The following SNX25 variants were observed in gnomAD, a reference collection of about 807,000 sequenced individuals.
The protein encoded by SNX25 is sorting nexin-25.
In SNX25, 62 loss-of-function variants were observed where a neutral mutation model predicts 113.7. The observed-to-expected ratio is 0.55, with a 90% CI of 0.44 to 0.67. The LOEUF (loss-of-function observed/expected upper bound fraction) is 0.67. Ranked by LOEUF, SNX25 falls within the 30% of genes least tolerant of loss-of-function variation. The pLI, the probability that SNX25 is intolerant of heterozygous loss-of-function variation, is 0.00. For synonymous variants in SNX25, 421 were observed against 436.2 expected, an observed-to-expected ratio of 0.97 and a Z score of 0.43; for missense variants, 1,014 against 1,161.0, an observed-to-expected ratio of 0.87 and a Z score of 1.84.
intron 5 of SNX25, among the ~76,000 whole-genome samples, chr4:185,279,791 T>C (rs199555450): frequency 3.9e-5 from 6 of 152,326 alleles, no homozygotes; most frequent in East Asian, 3.9e-4. Context: ...GGCATTCTTT[T>C]TGATGTACTT....
Position 185,351,537 on chromosome 4 carries a change from G to T in SNX25, c.2394G>T (p.Gln798His). The T allele has an allele frequency of 6.2e-7, 1 of 1,614,034 alleles. No homozygotes were observed. The highest frequency in any genetic ancestry group is 8.5e-7 in the Non-Finnish European group (1 of 1,179,990). The change falls in exon 14 of 19, where the codon CAG becomes CAT. Residue 798 changes from glutamine (Q) to histidine (H), a missense_variant. Gln to His is a conservative substitution (Grantham distance 24, BLOSUM62 0). Transcript: ENST00000652585. Reference sequence around the variant, plus strand: ...ACTACCTCAAGGTTATCGACGTGCAGGGGAAAAAAAATTCTTTTTCATTAT... The same window carrying T: ...ACTACCTCAAGGTTATCGACGTGCATGGGAAAAAAAATTCTTTTTCATTAT... The part of the protein sequence containing the change: ...SPDYLKVIDV[Q>H]GKKNSFSLSS...
chr4:185,351,360 C>A, intron 13 of SNX25, 85 bp from the exon 14 acceptor site: 1 of 1,418,710 alleles, frequency 7.0e-7, no homozygotes, highest in Non-Finnish European at 9.6e-7. Flanking sequence ...TTCGTGACAG[C>A]TCTGCCTCGC....
chr4:185,350,110 T>C (rs1456635930), intron 13 of SNX25, among the ~76,000 whole-genome samples: 1 of 152,200 alleles, frequency 6.6e-6, no homozygotes, highest in African/African-American at 2.4e-5. Context: ...CAGGCCAGTC[T>C]CCTGCAGGGT....
At chr4:185,330,825 C>T (rs1183183097) in intron 9 of SNX25, among the ~76,000 whole-genome samples, 2 of 151,978 alleles carry the variant, frequency 1.3e-5, no homozygotes, top group Non-Finnish European at 2.9e-5. Context: ...TGGTTCTTTA[C>T]ATATAAAATC....
chr4:185,365,558 G>A (rs527710136), downstream of SNX25: 4 of 151,764 alleles, frequency 2.6e-5, no homozygotes, highest in East Asian at 1.9e-4. Context: ...GTTTCACCAC[G>A]TTGGCCAGCC....
At chr4:185,351,052 T>G (rs923307085) in intron 13 of SNX25, among the ~76,000 whole-genome samples, 1 of 145,992 alleles carries the variant, frequency 6.8e-6, no homozygotes, top group African/African-American at 2.8e-5. Flanking sequence ...GGTATCCATG[T>G]GTAATTTGCA....
intron 1 of SNX25, among the ~76,000 whole-genome samples, chr4:185,211,819 G>T (rs892764318): frequency 2.0e-5 from 3 of 152,148 alleles, no homozygotes; most frequent in East Asian, 3.8e-4. Flanking sequence ...TCCTGGTATT[G>T]CAGACCATCT....
chr4:185,212,491 G>GTGT (rs546083196), intron 1 of SNX25, among the ~76,000 whole-genome samples: 4 of 104,944 alleles, frequency 3.8e-5, no homozygotes, highest in Non-Finnish European at 7.5e-5. Flanking sequence ...GTGTGTGTGT[G>GTGT]TTTTTTTTTT....
At chr4:185,307,499 C>T (rs1425521644) in intron 6 of SNX25, among the ~76,000 whole-genome samples, 2 of 152,168 alleles carry the variant, frequency 1.3e-5, no homozygotes, top group East Asian at 3.9e-4. Flanking sequence ...AGAGATTCCA[C>T]ACTTGCCCCT....
chr4:185,356,146 C>CGTGT (rs201205930), intron 15 of SNX25, among the ~76,000 whole-genome samples: 11 of 150,318 alleles, frequency 7.3e-5, no homozygotes, highest in African/African-American at 1.5e-4. Flanking sequence ...ATGGGGCTCG[C>CGTGT]GTGTGTGTGT....
upstream of SNX25, among the ~76,000 whole-genome samples, chr4:185,208,114 T>G (rs1218141224): frequency 2.6e-5 from 4 of 152,224 alleles, no homozygotes; most frequent in Admixed American, 6.5e-5. Context: ...TTTATTTATT[T>G]TATTTTATTT....
chr4:185,210,296 C>G lies in SNX25; in HGVS notation c.429+41C>G, dbSNP rs1737531279. The G allele has an allele frequency of 1.0e-6, 1 of 984,604 alleles. No homozygotes were observed. Among genetic ancestry groups the G allele is most frequent in the Admixed American group, 6.2e-5 (1 of 16,162 alleles). The allele number at this position is 984,604 out of a possible 1,614,324, so 61.0% of individuals were successfully genotyped here. ...CTGGCCGCCCAGCTCCGCCGGCCCT[C>G]CCCGCTTCCGGTGCCAGCTCCCGCG... On this transcript the variant is annotated intron_variant, in intron 1 of 18. Transcript: ENST00000652585. The surrounding 1 kb of genome is among the most constrained non-coding windows in gnomAD (Gnocchi z 4.4).
intron 1 of SNX25, among the ~76,000 whole-genome samples, chr4:185,239,763 A>ATTT (rs200021607): frequency 5.7e-5 from 7 of 122,456 alleles, no homozygotes; most frequent in Middle Eastern, 4.0e-3. Flanking sequence ...AATAAGGTGT[A>ATTT]TTTTTTTTTT....
chr4:185,274,515 G>T (rs1336875866), intron 5 of SNX25, among the ~76,000 whole-genome samples: 1 of 152,198 alleles, frequency 6.6e-6, no homozygotes, highest in Non-Finnish European at 1.5e-5. Context: ...TTAGAAAGCA[G>T]GAAGAATGGA....
At chr4:185,213,846 GAA>G (rs1298792724) in intron 1 of SNX25, among the ~76,000 whole-genome samples, 1 of 152,116 alleles carries the variant, frequency 6.6e-6, no homozygotes, top group Admixed American at 6.6e-5. Context: ...TTGATGGTAA[GAA>G]GGTAAAAGAG....
rs2095261393 is a variant in SNX25, at chr4:185,341,839, A to G, written c.2047-137A>G. On this transcript the variant is annotated intron_variant, in intron 11 of 18. Transcript: ENST00000652585. ...TATCTTAGTTACTAGAATAAAATCT[A>G]TAATATTCACAGTTCCAGGGATCCT... The G allele has an allele frequency of 8.6e-6, 7 of 812,514 alleles. No homozygotes were observed. The South Asian group carries it at 9.9e-5, about 12-fold the overall frequency. The allele number at this position is 812,514 out of a possible 1,614,324, so 50.3% of individuals were successfully genotyped here.
the SNX25 span, chr4:185,375,580 A>G: frequency 1.6e-6 from 2 of 1,235,580 alleles, no homozygotes; most frequent in African/African-American, 3.2e-5. Context: ...TGACAATGAA[A>G]TCTTAACCAC....
the SNX25 span, chr4:185,378,023 AT>A: frequency 1.5e-6 from 2 of 1,354,860 alleles, no homozygotes; most frequent in African/African-American, 2.9e-5. Flanking sequence ...TTGCTCTAGC[AT>A]GCAAAATGAA....
chr4:185,243,126 T>C (rs66614520), intron 1 of SNX25, among the ~76,000 whole-genome samples: 50,666 of 152,080 alleles, frequency 0.33, 10,399 homozygotes, highest in East Asian at 0.55. Flanking sequence ...TTTGCTTAAA[T>C]AGAGCTAAAA....
Sources: gnomAD v4.1 joint callset for allele counts (sites outside exome capture counted in the v4.1 genomes callset) on GRCh38, gnomAD v4.1.1 for gene constraint, Gnocchi (gnomAD v3.1) non-coding constraint, MANE v1.5 for transcripts, NCBI Gene and HGNC (gene_info 2026-07-23, HGNC 2026-07-21) for gene names.